The following RFTN2 variants were observed in gnomAD, a reference collection of about 807,000 sequenced individuals.
The protein encoded by RFTN2 is raftlin-2.
RFTN2 carries 34 observed loss-of-function variants against 52.7 expected under a neutral mutation model. That is an observed-to-expected ratio of 0.64 (90% CI 0.49 to 0.86). The LOEUF (loss-of-function observed/expected upper bound fraction) is 0.86, where lower values mean the gene tolerates loss of function less well. RFTN2 is among the 40% of genes least tolerant of loss of function. The pLI is 0.00. For synonymous variants in RFTN2, 203 were observed against 217.7 expected, an observed-to-expected ratio of 0.93 and a Z score of 0.59; for missense variants, 536 against 600.1, an observed-to-expected ratio of 0.89 and a Z score of 1.12.
chr2:197,591,911 GC>G (rs913278375), intron 8 of RFTN2, among the ~76,000 whole-genome samples: 7 of 149,684 alleles, frequency 4.7e-5, no homozygotes, highest in African/African-American at 1.7e-4. Flanking sequence ...ACTGGTTCCT[GC>G]CCCGTGCCTC....
At chr2:197,589,801 C>T (rs1407331454) in intron 8 of RFTN2, among the ~76,000 whole-genome samples, 1 of 152,118 alleles carries the variant, frequency 6.6e-6, no homozygotes, top group Non-Finnish European at 1.5e-5. Flanking sequence ...CAGTTTGTGG[C>T]TTGTCTTTTC....
chr2:197,659,804 CA>C (rs10711250), intron 1 of RFTN2, among the ~76,000 whole-genome samples: 104,666 of 151,540 alleles, frequency 0.69, 36,565 homozygotes, highest in Middle Eastern at 0.85. Flanking sequence ...GCAAAAAGAG[CA>C]AAAACTCTGT....
chr2:197,637,519 T>C (rs1270146730), intron 3 of RFTN2, among the ~76,000 whole-genome samples: 11 of 152,256 alleles, frequency 7.2e-5, no homozygotes, highest in Non-Finnish European at 1.5e-5. Flanking sequence ...TTTTCTAGTT[T>C]ATTTGCATAG....
intron 7 of RFTN2, among the ~76,000 whole-genome samples, chr2:197,604,809 G>A (rs2087933560): frequency 1.3e-5 from 2 of 152,084 alleles, no homozygotes; most frequent in Non-Finnish European, 2.9e-5. Flanking sequence ...TGCCCAGGCT[G>A]GAGTGCAGTG....
chr2:197,614,296 G>A (rs763961431), intron 7 of RFTN2, among the ~76,000 whole-genome samples: 16 of 152,312 alleles, frequency 1.1e-4, no homozygotes, highest in Non-Finnish European at 1.8e-4. Context: ...GCGTGGCAGA[G>A]ATAAGAGAAG....
intron 1 of RFTN2, among the ~76,000 whole-genome samples, chr2:197,657,504 C>T (rs1245667052): frequency 6.6e-6 from 1 of 152,216 alleles, no homozygotes; most frequent in Non-Finnish European, 1.5e-5. Context: ...AAATTCCTCA[C>T]TCTATAGGCA....
At chr2:197,598,802 G>A (rs934932863) in intron 7 of RFTN2, among the ~76,000 whole-genome samples, 2 of 152,096 alleles carry the variant, frequency 1.3e-5, no homozygotes, top group Admixed American at 1.3e-4. Flanking sequence ...AGGCCTTGGG[G>A]ATTACTTGGT....
At chr2:197,614,814 A>T (rs1056977569) in intron 7 of RFTN2, among the ~76,000 whole-genome samples, 2 of 152,204 alleles carry the variant, frequency 1.3e-5, no homozygotes, top group African/African-American at 4.8e-5. Context: ...GAGAATTATT[A>T]CTATTCTGTT....
intron 1 of RFTN2, among the ~76,000 whole-genome samples, chr2:197,660,656 A>G (rs2088964517): frequency 6.6e-6 from 1 of 151,634 alleles, no homozygotes; most frequent in African/African-American, 2.4e-5. Flanking sequence ...CCCAGGTTCA[A>G]GTGATTCTCG....
intron 1 of RFTN2, among the ~76,000 whole-genome samples, chr2:197,656,507 C>G (rs1559366049): frequency 1.3e-5 from 2 of 152,142 alleles, no homozygotes; most frequent in Non-Finnish European, 2.9e-5. Context: ...AGCCCAGGGC[C>G]TGGTGCAAGT....
At chr2:197,650,042 C>A (rs930366632) in intron 1 of RFTN2, among the ~76,000 whole-genome samples, 1 of 151,950 alleles carries the variant, frequency 6.6e-6, no homozygotes, top group Non-Finnish European at 1.5e-5. Flanking sequence ...GAACTGTACA[C>A]TTACTAATAG....
chr2:197,572,423 C>T lies in RFTN2; in HGVS notation c.1234-143G>A, dbSNP rs114683182. On this transcript the variant is annotated intron_variant, in intron 8 of 8. Coordinates refer to ENST00000295049, the MANE Select transcript of RFTN2 (RefSeq NM_144629.3). ...AATCCTGCTCATCTTCAACGACCAGCTCAGAGCTACCTCCACATTCCCCTC... is the reference window on the plus strand; with the variant it reads ...AATCCTGCTCATCTTCAACGACCAGTTCAGAGCTACCTCCACATTCCCCTC... 2.1e-3 allele frequency: 1,529 copies of T among 727,708 alleles called. 20 individuals carry two copies. In the African/African-American group the frequency reaches 0.025, roughly 12 times the overall value. 45.1% of individuals were successfully genotyped at this position (727,708 alleles called of 1,614,324 possible). A position where few individuals can be genotyped will look rare whatever the true frequency, so the allele number is the denominator to read the frequency against.
intron 5 of RFTN2, among the ~76,000 whole-genome samples, chr2:197,621,369 G>A (rs1016395807): frequency 1.4e-5 from 2 of 141,800 alleles, no homozygotes; most frequent in African/African-American, 5.3e-5. Flanking sequence ...TTGCTTTATT[G>A]TGCTTTGCTT....
chr2:197,622,864 G>C (rs1056893266), intron 5 of RFTN2, among the ~76,000 whole-genome samples: 8 of 152,156 alleles, frequency 5.3e-5, no homozygotes, highest in African/African-American at 1.9e-4. Context: ...ACAAAGGCTG[G>C]ATGACAGCAC....
Position 197,571,987 on chromosome 2 carries a change from T to C in RFTN2, c.*21A>G. On this transcript the variant is annotated 3_prime_UTR_variant, in exon 9 of 9. Coordinates refer to ENST00000295049, the MANE Select transcript of RFTN2 (RefSeq NM_144629.3). ...ATTTTAACAATTATTTACAGGGCCT[T>C]CCTTTGCTTCACCTCATGGCTCACA... The C allele has an allele frequency of 6.2e-7, 1 of 1,606,110 alleles. No homozygotes were observed. The highest frequency in any genetic ancestry group is 8.5e-7 in the Non-Finnish European group (1 of 1,172,912).
At chr2:197,639,515 C>T (rs1339358195) in intron 3 of RFTN2, among the ~76,000 whole-genome samples, 1 of 142,616 alleles carries the variant, frequency 7.0e-6, no homozygotes, top group Non-Finnish European at 1.5e-5. Context: ...GATACCCTTT[C>T]TTCCAGTTGA....
intron 8 of RFTN2, among the ~76,000 whole-genome samples, chr2:197,581,418 C>A (rs961853239): frequency 6.6e-6 from 1 of 152,200 alleles, no homozygotes; most frequent in Non-Finnish European, 1.5e-5. Flanking sequence ...TTTATCTGGA[C>A]TGACCCTGAC....
intron 7 of RFTN2, among the ~76,000 whole-genome samples, chr2:197,600,252 A>G (rs1210290072): frequency 3.3e-5 from 5 of 152,212 alleles, no homozygotes; most frequent in African/African-American, 7.2e-5. Context: ...CTAATGAGAT[A>G]AAACAGCAAA....
chr2:197,654,823 C>T (rs992346777), intron 1 of RFTN2, among the ~76,000 whole-genome samples: 14 of 151,990 alleles, frequency 9.2e-5, no homozygotes, highest in African/African-American at 2.9e-4. Context: ...CATGGTGAAA[C>T]GTCAACTCTA....
Sources: gnomAD v4.1 joint callset for allele counts (sites outside exome capture counted in the v4.1 genomes callset) on GRCh38, gnomAD v4.1.1 for gene constraint, MANE v1.5 for transcripts, NCBI Gene and HGNC (gene_info 2026-07-23, HGNC 2026-07-21) for gene names.